XRCC4: variants seen among roughly 807,000 people sequenced by gnomAD.
XRCC4 encodes the protein DNA repair protein XRCC4.
XRCC4 carries 28 observed loss-of-function variants against 39.1 expected under a neutral mutation model. That is an observed-to-expected ratio of 0.72 (90% CI 0.53 to 0.98). XRCC4 has a LOEUF of 0.98. XRCC4 is among the 50% of genes least tolerant of loss of function. XRCC4 has a pLI of 0.00. For synonymous variants in XRCC4, 123 were observed against 126.4 expected (o/e 0.97, Z 0.18); for missense variants, 350 against 376.4 (o/e 0.93, Z 0.58).
chr5:83,105,678 C>T (rs974222530), intron 2 of XRCC4, among the ~76,000 whole-genome samples: 3 of 151,976 alleles, frequency 2.0e-5, no homozygotes, highest in Admixed American at 6.6e-5. Flanking sequence ...AATATGTAGC[C>T]TTATATTTTC....
intron 7 of XRCC4, among the ~76,000 whole-genome samples, chr5:83,329,438 A>T (rs1044633177): frequency 6.6e-6 from 1 of 152,136 alleles, no homozygotes; most frequent in African/African-American, 2.4e-5. Flanking sequence ...AGAAAACAAT[A>T]GTAAAATGGG....
At chr5:83,335,970 T>G (rs1177501698) in intron 7 of XRCC4, among the ~76,000 whole-genome samples, 1 of 152,056 alleles carries the variant, frequency 6.6e-6, no homozygotes, top group African/African-American at 2.4e-5. Context: ...TCTGAACACT[T>G]AATATTCTTA....
chr5:83,188,543 C>T (rs1445609037), intron 3 of XRCC4, among the ~76,000 whole-genome samples: 2 of 151,966 alleles, frequency 1.3e-5, no homozygotes, highest in Non-Finnish European at 2.9e-5. Context: ...GTTTAATTGG[C>T]TCATGATTCT....
intron 3 of XRCC4, among the ~76,000 whole-genome samples, chr5:83,170,861 G>T (rs1749690751): frequency 6.6e-6 from 1 of 152,102 alleles, no homozygotes; most frequent in South Asian, 2.1e-4. Flanking sequence ...TATACCAGCG[G>T]GCGGGAATCT....
At chr5:83,171,688 TAGCCTGGAAAATAAAGGCCAAA>T (rs1749732779) in intron 3 of XRCC4, among the ~76,000 whole-genome samples, 1 of 152,160 alleles carries the variant, frequency 6.6e-6, no homozygotes, top group African/African-American at 2.4e-5. Context: ...TTGTAAGCCC[TAGCCTGGAAAATAAAGGCCAAA>T]TGCCTTAGCC....
At chr5:83,084,794 A>G (rs1216224891) in intron 1 of XRCC4, among the ~76,000 whole-genome samples, 1 of 151,918 alleles carries the variant, frequency 6.6e-6, no homozygotes, top group African/African-American at 2.4e-5. Flanking sequence ...CTTCCCAACT[A>G]CTCTTTATGA....
chr5:83,360,015 A>G, the XRCC4 span, among the ~76,000 whole-genome samples: 6 of 152,188 alleles, frequency 3.9e-5, no homozygotes, highest in Non-Finnish European at 7.3e-5. Context: ...ATAGTACTAT[A>G]TATTTTATAA....
At chr5:83,123,438 CT>C (rs926417476) in intron 3 of XRCC4, among the ~76,000 whole-genome samples, 14 of 151,506 alleles carry the variant, frequency 9.2e-5, no homozygotes, top group African/African-American at 3.4e-4. Flanking sequence ...AATTAGATTT[CT>C]TTTAGGAAGT....
chr5:83,113,869 GC>G (rs925654788), intron 3 of XRCC4, among the ~76,000 whole-genome samples: 1 of 152,034 alleles, frequency 6.6e-6, no homozygotes. Context: ...CTCGTGATCC[GC>G]CCGCCTCAGC....
chr5:83,237,039 C>G (rs1440078496), intron 6 of XRCC4, among the ~76,000 whole-genome samples: 2 of 151,750 alleles, frequency 1.3e-5, no homozygotes, highest in African/African-American at 4.8e-5. Flanking sequence ...GTTAAAATGC[C>G]TTTTTTCAAA....
At chr5:83,188,835 A>G (rs1312185873) in intron 3 of XRCC4, among the ~76,000 whole-genome samples, 4 of 152,350 alleles carry the variant, frequency 2.6e-5, no homozygotes, top group East Asian at 1.9e-4. Flanking sequence ...GAATTATTCC[A>G]GGAAACAATA....
chr5:83,230,604 G>A (rs1487678307), intron 6 of XRCC4, among the ~76,000 whole-genome samples: 2 of 151,878 alleles, frequency 1.3e-5, no homozygotes, highest in Non-Finnish European at 2.9e-5. Flanking sequence ...TACATGGAGA[G>A]CTTCCTATAG....
intron 2 of XRCC4, among the ~76,000 whole-genome samples, chr5:83,106,440 C>G (rs28383144): frequency 1.3e-3 from 198 of 152,110 alleles, no homozygotes; most frequent in Non-Finnish European, 2.3e-3. Context: ...TGTTGTCAGA[C>G]AGATGACCTT....
At chr5:83,122,632 C>T (rs1747065219) in intron 3 of XRCC4, among the ~76,000 whole-genome samples, 1 of 152,038 alleles carries the variant, frequency 6.6e-6, no homozygotes, top group Non-Finnish European at 1.5e-5. Context: ...AAAGTGAGGT[C>T]ACTGAATTAA....
At position 83,099,320 on chromosome 5, in the gene XRCC4, A is replaced by G. The variant is rs151337993; in HGVS notation, c.-10-5590A>G. 4.3e-3 allele frequency among the ~76,000 whole-genome samples: 656 copies of G among 152,314 alleles called. 2 individuals are homozygous for G. The highest frequency in any genetic ancestry group is 6.6e-3 in the Non-Finnish European group (446 of 68,006). On this transcript the variant is annotated intron_variant, in intron 1 of 7. Coordinates refer to ENST00000396027, the MANE Select transcript of XRCC4 (RefSeq NM_003401.5). ...GCTTAAAAAGAAGTCATAATTTACTATAAAGGAAAATAAAAGAAGCTCAAG... is the reference window on the plus strand; with the variant it reads ...GCTTAAAAAGAAGTCATAATTTACTGTAAAGGAAAATAAAAGAAGCTCAAG...
chr5:83,334,281 T>G (rs1004699783), intron 7 of XRCC4, among the ~76,000 whole-genome samples: 5 of 152,194 alleles, frequency 3.3e-5, no homozygotes, highest in African/African-American at 1.2e-4. Context: ...TACTTCTTAC[T>G]CTAACATTCC....
chr5:83,232,496 A>G (rs1205668198), intron 6 of XRCC4, among the ~76,000 whole-genome samples: 1 of 152,076 alleles, frequency 6.6e-6, no homozygotes, highest in East Asian at 1.9e-4. Flanking sequence ...TAAAGCCAAA[A>G]AACTACAAGA....
downstream of XRCC4, among the ~76,000 whole-genome samples, chr5:83,357,799 A>C (rs866011401): frequency 6.6e-6 from 1 of 152,136 alleles, no homozygotes; most frequent in Non-Finnish European, 1.5e-5. Flanking sequence ...GCCAAACAAG[A>C]GGTCTCTTGA....
At chr5:83,212,945 C>A (rs1478375675) in intron 6 of XRCC4, among the ~76,000 whole-genome samples, 18 of 135,728 alleles carry the variant, frequency 1.3e-4, no homozygotes, top group African/African-American at 2.1e-4. Context: ...AAAAAAACAC[C>A]AAAATAAAAA....
Sources: gnomAD v4.1 joint callset for allele counts (sites outside exome capture counted in the v4.1 genomes callset) on GRCh38, gnomAD v4.1.1 for gene constraint, MANE v1.5 for transcripts, NCBI Gene and HGNC (gene_info 2026-07-23, HGNC 2026-07-21) for gene names.